AP1G1: variants seen among roughly 807,000 people sequenced by gnomAD.
The protein encoded by AP1G1 is AP-1 complex subunit gamma-1.
A neutral mutation model predicts 108.3 loss-of-function variants in AP1G1; 7 were observed. The ratio of observed to expected loss-of-function variants is 0.06; its 90% CI spans 0.04 to 0.12. The LOEUF is 0.12. AP1G1 is among the 10% of genes least tolerant of loss of function. The pLI, the probability that AP1G1 is intolerant of heterozygous loss-of-function variation, is 1.00. For missense variants in AP1G1, 756 were observed against 1,010.7 expected, an observed-to-expected ratio of 0.75 and a Z score of 3.42; for synonymous variants, 379 against 353.5, an observed-to-expected ratio of 1.07 and a Z score of -0.81.
intron 9 of AP1G1, among the ~76,000 whole-genome samples, chr16:71,762,715 C>T (rs1329299548): frequency 6.6e-6 from 1 of 152,232 alleles, no homozygotes; most frequent in Admixed American, 6.5e-5. Flanking sequence ...CCCTATGCAT[C>T]TCTTCCATCT....
In AP1G1 at chr16:71,808,822, G is replaced by C. The variant is rs1026858984; in HGVS notation, c.-63C>G. The C allele has an allele frequency of 7.8e-7, 1 of 1,289,580 alleles. No individual in the cohort carries two copies. The highest frequency in any genetic ancestry group is 1.5e-5 in the African/African-American group (1 of 65,874). The allele number at this position is 1,289,580 out of a possible 1,614,324, so 79.9% of individuals were successfully genotyped here. ...GGGGCGGCGGCAGCAGTGGCAGCAGGAACCGAACATCCAAAATGGCGGCTC... is the reference window on the plus strand; with the variant it reads ...GGGGCGGCGGCAGCAGTGGCAGCAGCAACCGAACATCCAAAATGGCGGCTC... On this transcript the variant is annotated 5_prime_UTR_variant, in exon 1 of 23. Coordinates refer to ENST00000299980, the MANE Select transcript of AP1G1 (RefSeq NM_001128.6).
At chr16:71,786,849 G>C (rs1448046573) in intron 2 of AP1G1, among the ~76,000 whole-genome samples, 2 of 152,032 alleles carry the variant, frequency 1.3e-5, no homozygotes, top group Non-Finnish European at 2.9e-5. Context: ...GATTGCTTGA[G>C]CTCAAGAGTT....
At chr16:71,749,793 A>G in intron 15 of AP1G1, 101 bp downstream of exon 15, 1 of 1,026,566 alleles carries the variant, frequency 9.7e-7, no homozygotes, top group South Asian at 1.3e-5. Context: ...GCCTGGCCTA[A>G]AAAGTTTTCA....
chr16:71,802,224 C>T (rs2032826372), intron 1 of AP1G1, among the ~76,000 whole-genome samples: 1 of 152,112 alleles, frequency 6.6e-6, no homozygotes, highest in African/African-American at 2.4e-5. Flanking sequence ...AACTAAACAA[C>T]TGAAAAAGTG....
chr16:71,794,656 TAAAC>T (rs2032514649), intron 1 of AP1G1, among the ~76,000 whole-genome samples: 1 of 151,684 alleles, frequency 6.6e-6, no homozygotes, highest in African/African-American at 2.4e-5. Flanking sequence ...ATCAAAATTA[TAAAC>T]AAACTAAAGG....
chr16:71,806,800 T>A, intron 1 of AP1G1: 1 of 976,456 alleles, frequency 1.0e-6, no homozygotes, highest in South Asian at 1.5e-5. Context: ...GTAACTAATA[T>A]ATTTTTGAAA....
In AP1G1 at chr16:71,784,150, A is replaced by G. The variant is rs547819838; in HGVS notation, c.201+5129T>C. Among the ~76,000 whole-genome samples the G allele has an allele frequency of 4.3e-3, 655 of 152,348 alleles. 2 individuals are homozygous for G. Among genetic ancestry groups the G allele is most frequent in the Non-Finnish European group, 7.1e-3 (486 of 68,034 alleles). On this transcript the variant is annotated intron_variant, in intron 2 of 22. Coordinates refer to ENST00000299980, the MANE Select transcript of AP1G1 (RefSeq NM_001128.6). ...AAAAAACATTGCCGTCCTTTAGGAA[A>G]TGGTAAAATGCATAACATGAGGCTT... is the stretch of plus-strand genomic sequence containing the variant.
intron 6 of AP1G1, among the ~76,000 whole-genome samples, chr16:71,768,093 A>G (rs1196043365): frequency 6.6e-6 from 1 of 151,608 alleles, no homozygotes; most frequent in Non-Finnish European, 1.5e-5. Flanking sequence ...CCAGCATCCT[A>G]TAAAAGAAGT....
At chr16:71,772,925 C>G (rs1211939071) in intron 4 of AP1G1, 3 of 424,200 alleles carry the variant, frequency 7.1e-6, no homozygotes, top group Non-Finnish European at 1.3e-5. Flanking sequence ...ATTATTAGGA[C>G]AAAAGTAAAT....
chr16:71,753,842 A>C lies in AP1G1; in HGVS notation c.1275T>G (p.Val425=). The change falls in exon 13 of 23, where the codon GTT becomes GTG. Residue 425 remains valine (V), a synonymous_variant. Coordinates refer to ENST00000299980, the MANE Select transcript of AP1G1 (RefSeq NM_001128.6). ...KRWHIDTIMR[V]LTTAGSYVRD... ...GAAAGAAGCTACTTACCGTTGTCAA[A>C]ACACGCATAATTGTGTCTATATGCC... is the stretch of plus-strand genomic sequence containing the variant. 6.2e-7 allele frequency: 1 copy of C among 1,614,062 alleles called. No individual in the cohort carries two copies. Among genetic ancestry groups the C allele is most frequent in the Non-Finnish European group, 8.5e-7 (1 of 1,179,920 alleles).
At chr16:71,760,912 T>C (rs2031054600) in intron 10 of AP1G1, among the ~76,000 whole-genome samples, 1 of 152,200 alleles carries the variant, frequency 6.6e-6, no homozygotes, top group African/African-American at 2.4e-5. Flanking sequence ...TAAGCAGGAA[T>C]ACGTACTACA....
intron 1 of AP1G1, among the ~76,000 whole-genome samples, chr16:71,796,524 T>C (rs2032589821): frequency 6.6e-6 from 1 of 152,184 alleles, no homozygotes; most frequent in African/African-American, 2.4e-5. Flanking sequence ...TATCCCCCCC[T>C]TGTGAATTAC....
intron 6 of AP1G1, among the ~76,000 whole-genome samples, chr16:71,768,978 CAAAAA>C (rs59451625): frequency 1.5e-4 from 10 of 65,018 alleles, no homozygotes; most frequent in East Asian, 4.7e-4. Flanking sequence ...AAAAAAAATA[CAAAAA>C]AAAAAAAAAA....
chr16:71,755,943 C>A, intron 12 of AP1G1, 76 bp downstream of exon 12: 3 of 1,515,200 alleles, frequency 2.0e-6, no homozygotes, highest in Non-Finnish European at 2.7e-6. Context: ...CGCGCCCAGC[C>A]CCCTCCCCAT....
intron 21 of AP1G1, among the ~76,000 whole-genome samples, chr16:71,735,445 C>T (rs913944649): frequency 1.3e-5 from 2 of 152,008 alleles, no homozygotes; most frequent in African/African-American, 2.4e-5. Flanking sequence ...GAGCGGATCA[C>T]GAGGTCAGGA....
At chr16:71,762,381 A>G (rs1442665525) in intron 9 of AP1G1, among the ~76,000 whole-genome samples, 2 of 152,122 alleles carry the variant, frequency 1.3e-5, no homozygotes, top group African/African-American at 4.8e-5. Context: ...TTCCTGTGTG[A>G]CAGCATCTTT....
At chr16:71,790,172 G>A (rs1337432126) in intron 1 of AP1G1, among the ~76,000 whole-genome samples, 3 of 151,412 alleles carry the variant, frequency 2.0e-5, no homozygotes, top group Non-Finnish European at 4.4e-5. Flanking sequence ...AAAACAGAAC[G>A]TGCACTACCT....
intron 2 of AP1G1, among the ~76,000 whole-genome samples, chr16:71,775,461 G>T (rs1039418308): frequency 6.6e-6 from 1 of 152,078 alleles, no homozygotes; most frequent in African/African-American, 2.4e-5. Context: ...TCTCAGTTTT[G>T]CATTAGTTTT....
In AP1G1 at chr16:71,807,859, G is replaced by A. The variant is rs546327832; in HGVS notation, c.-4+904C>T. On this transcript the variant is annotated intron_variant, in intron 1 of 22. Coordinates refer to ENST00000299980, the MANE Select transcript of AP1G1 (RefSeq NM_001128.6). ...CCGTGCTCAGGGATATATAATAGGG[G>A]AGAAAAAAAAATACCACACAAGTGT... The A allele has an allele frequency of 9.4e-5, 121 of 1,285,450 alleles. No individual in the cohort carries two copies. The South Asian group carries it at 1.1e-3, about 12-fold the overall frequency. 79.6% of individuals were successfully genotyped at this position (1,285,450 alleles called of 1,614,324 possible). A position where few individuals can be genotyped will look rare whatever the true frequency, so the allele number is the denominator to read the frequency against.
Sources: gnomAD v4.1 joint callset for allele counts (sites outside exome capture counted in the v4.1 genomes callset) on GRCh38, gnomAD v4.1.1 for gene constraint, MANE v1.5 for transcripts, NCBI Gene and HGNC (gene_info 2026-07-23, HGNC 2026-07-21) for gene names.